Variants in SOBP observed in about 807,000 individuals in gnomAD.
The protein encoded by SOBP is sine oculis-binding protein homolog.
Under a neutral mutation model 53.6 loss-of-function variants are expected in SOBP, and 4 were observed. That is an observed-to-expected ratio of 0.07 (90% CI 0.04 to 0.17). The LOEUF is 0.17. Ranked by LOEUF, SOBP falls within the 10% of genes least tolerant of loss-of-function variation. The pLI is 1.00. For missense variants in SOBP, 1,088 were observed against 1,204.7 expected (o/e 0.90, Z 1.43); for synonymous variants, 584 against 522.6 (o/e 1.12, Z -1.60).
At chr6:107,606,955 C>T (rs1029497868) in intron 5 of SOBP, among the ~76,000 whole-genome samples, 18 of 152,174 alleles carry the variant, frequency 1.2e-4, no homozygotes, top group Admixed American at 2.0e-4. Context: ...TGGTAGACTC[C>T]TTGGCCTTGG....
At chr6:107,530,699 A>G (rs568730913) in intron 3 of SOBP, among the ~76,000 whole-genome samples, 164 of 152,274 alleles carry the variant, frequency 1.1e-3, no homozygotes, top group Middle Eastern at 3.4e-3. Context: ...TTCCCAAAGC[A>G]TATACCTTTA....
At chr6:107,496,524 A>G (rs1405556148) in intron 1 of SOBP, among the ~76,000 whole-genome samples, 1 of 152,212 alleles carries the variant, frequency 6.6e-6, no homozygotes, top group Non-Finnish European at 1.5e-5. Context: ...TTTCTTTTCC[A>G]GCCTGTTCCA....
chr6:107,503,692 C>A lies in SOBP; in HGVS notation c.132C>A (p.Gly44=). The A allele has an allele frequency of 6.2e-7, 1 of 1,614,110 alleles. No individual in the cohort carries two copies. Among genetic ancestry groups the A allele is most frequent in the Non-Finnish European group, 8.5e-7 (1 of 1,180,018 alleles). ...AAAACACCATGAATGAACTCCTTGG[C>A]TGGTATGGCTATGATAAGGTTGAAT... is the stretch of plus-strand genomic sequence containing the variant. ...FAENTMNELL[G]WYGYDKVELK... is the part of the protein sequence containing the mutation. The change falls in exon 2 of 7, where the codon GGC becomes GGA. Residue 44 remains glycine (G), a synonymous_variant. Transcript: ENST00000317357.
At chr6:107,599,051 A>G (rs945128013) in intron 5 of SOBP, among the ~76,000 whole-genome samples, 5 of 152,158 alleles carry the variant, frequency 3.3e-5, no homozygotes, top group Non-Finnish European at 7.3e-5. Context: ...TTAAATGTGG[A>G]TAGAGTCTCC....
chr6:107,522,653 C>T (rs1024738365), intron 3 of SOBP, among the ~76,000 whole-genome samples: 29 of 150,290 alleles, frequency 1.9e-4, no homozygotes, highest in African/African-American at 7.1e-4. Context: ...GGTGATCCTC[C>T]CACCTCTGCC....
intron 5 of SOBP, among the ~76,000 whole-genome samples, chr6:107,625,344 G>T (rs1770411390): frequency 6.6e-6 from 1 of 152,178 alleles, no homozygotes; most frequent in Admixed American, 6.5e-5. Context: ...ATGGCCCAGG[G>T]TGCAGAAAAT....
intron 5 of SOBP, among the ~76,000 whole-genome samples, chr6:107,601,811 A>C (rs1786188104): frequency 6.6e-6 from 1 of 152,248 alleles, no homozygotes; most frequent in Admixed American, 6.5e-5. Flanking sequence ...CTTAAAATTT[A>C]ATGAATTTCA....
Position 107,523,849 on chromosome 6 carries a change from C to G in SOBP, c.422-9610C>G, listed in dbSNP as rs533413617. On this transcript the variant is annotated intron_variant, in intron 3 of 6. Coordinates refer to ENST00000317357, the MANE Select transcript of SOBP (RefSeq NM_018013.4). ...TGGCCATTTTCTCCTGCACATTGGCCTTTTACACTAGGGGCAGCCATGGGA... is the reference window on the plus strand; with the variant it reads ...TGGCCATTTTCTCCTGCACATTGGCGTTTTACACTAGGGGCAGCCATGGGA... 5.9e-5 allele frequency among the ~76,000 whole-genome samples: 9 copies of G among 152,352 alleles called. No homozygotes were observed. In the East Asian group the frequency reaches 9.6e-4, roughly 16 times the overall value.
intron 6 of SOBP, among the ~76,000 whole-genome samples, chr6:107,644,462 A>G (rs145067559): frequency 1.8e-3 from 270 of 152,326 alleles, no homozygotes; most frequent in African/African-American, 6.1e-3. Flanking sequence ...CCATCTTGGA[A>G]GCTAAGACAT....
At chr6:107,500,158 G>A (rs113543984) in intron 1 of SOBP, among the ~76,000 whole-genome samples, 4,156 of 152,096 alleles carry the variant, frequency 0.027, 202 homozygotes, top group African/African-American at 0.095. Context: ...TTGGGAGGCC[G>A]AAGCAGGTGG....
In SOBP at chr6:107,658,635, G is replaced by A. The variant is rs1311679018; in HGVS notation, c.*432G>A. 8 of 152,744 alleles carry A rather than the reference G, an allele frequency of 5.2e-5. No individual in the cohort carries two copies. Among genetic ancestry groups the A allele is most frequent in the African/African-American group, 1.9e-4 (8 of 41,562 alleles). The allele number at this position is 152,744 out of a possible 1,614,324, so 9.5% of individuals were successfully genotyped here. A position where few individuals can be genotyped will look rare whatever the true frequency, so the allele number is the denominator to read the frequency against. ...TTTAATCTTTTTAAAAACTGCTGTG[G>A]TTTTGCTGCTACACTAAGAATTGTG... On this transcript the variant is annotated 3_prime_UTR_variant, in exon 7 of 7. Coordinates refer to ENST00000317357, the MANE Select transcript of SOBP (RefSeq NM_018013.4).
Position 107,572,707 on chromosome 6 carries a change from C to T in SOBP, c.574-14373C>T, listed in dbSNP as rs547742991. Among the ~76,000 whole-genome samples the T allele has an allele frequency of 5.9e-5, 9 of 151,774 alleles. No individual in the cohort carries two copies. The East Asian group carries it at 1.8e-3, about 30-fold the overall frequency. On this transcript the variant is annotated intron_variant, in intron 4 of 6. Transcript: ENST00000317357. ...CTCCTCTCTGTCTTTGGTGAGGTTA[C>T]TCAGTGTGTGGATTACAATGTATGT...
intron 4 of SOBP, among the ~76,000 whole-genome samples, chr6:107,565,863 C>T (rs574166415): frequency 6.6e-6 from 1 of 152,350 alleles, no homozygotes; most frequent in Admixed American, 6.5e-5. Context: ...CCTGGCTCGT[C>T]CCGCACCTCC....
intron 3 of SOBP, among the ~76,000 whole-genome samples, chr6:107,523,364 AG>A (rs1783570294): frequency 6.6e-6 from 1 of 152,226 alleles, no homozygotes; most frequent in Non-Finnish European, 1.5e-5. Flanking sequence ...AGGTGAGAAG[AG>A]TGAAGAGTGA....
intron 3 of SOBP, among the ~76,000 whole-genome samples, chr6:107,518,319 A>G (rs369972551): frequency 6.6e-6 from 1 of 152,216 alleles, no homozygotes; most frequent in South Asian, 2.1e-4. Context: ...GAGAATGGCT[A>G]AAATGAAGAA....
chr6:107,496,287 A>G (rs545982971), intron 1 of SOBP, among the ~76,000 whole-genome samples: 2 of 152,316 alleles, frequency 1.3e-5, no homozygotes, highest in East Asian at 3.9e-4. Context: ...GCCTGCCACA[A>G]TGTTAGCCTG....
chr6:107,597,874 G>A (rs1031296335), intron 5 of SOBP, among the ~76,000 whole-genome samples: 3 of 151,990 alleles, frequency 2.0e-5, no homozygotes, highest in African/African-American at 4.8e-5. Flanking sequence ...TTATTCTTTT[G>A]TATACACTGC....
intron 4 of SOBP, among the ~76,000 whole-genome samples, chr6:107,580,962 G>A (rs1364951398): frequency 2.0e-5 from 3 of 152,186 alleles, no homozygotes; most frequent in Non-Finnish European, 2.9e-5. Flanking sequence ...GGACTGGAGT[G>A]TAAGGCTGAA....
Position 107,506,367 on chromosome 6 carries a change from C to G in SOBP, c.361C>G (p.His121Asp), listed in dbSNP as rs1782992186. 2 of 1,614,120 alleles carry G rather than the reference C, an allele frequency of 1.2e-6. No individual in the cohort carries two copies. Among genetic ancestry groups the G allele is most frequent in the Admixed American group, 1.7e-5 (1 of 60,006 alleles). Residue 121 changes from histidine to aspartate, a missense_variant, in exon 3 of 7, where the codon CAT becomes GAT. By Grantham distance (81) the His-to-Asp change is moderately conservative (BLOSUM62 -1). Coordinates refer to ENST00000317357, the MANE Select transcript of SOBP (RefSeq NM_018013.4). ...TGACTCACCTGCAGGGTCAAAGGAT[C>G]ATGGCAGTGTGCCCATTATTGTACC... is the stretch of plus-strand genomic sequence containing the variant. ...LSDSPAGSKD[H>D]GSVPIIVPLI...
Sources: allele counts gnomAD v4.1 joint callset (sites outside exome capture counted in the v4.1 genomes callset), GRCh38; gene constraint gnomAD v4.1.1; transcripts MANE v1.5; gene names NCBI Gene and HGNC (gene_info 2026-07-23, HGNC 2026-07-21).